The following SCML4 variants were observed in gnomAD, a reference collection of about 807,000 sequenced individuals.
The protein encoded by SCML4 is Scm polycomb group protein like 4, also known as sex comb on midleg-like protein 4.
In SCML4, 34 loss-of-function variants were observed where a neutral mutation model predicts 41.1. That is an observed-to-expected ratio of 0.83 (90% CI 0.63 to 1.10). The LOEUF (loss-of-function observed/expected upper bound fraction) is 1.10. Ranked by LOEUF, SCML4 falls within the 50% of genes least tolerant of loss-of-function variation. SCML4 has a pLI of 0.00. For synonymous variants in SCML4, 214 were observed against 220.9 expected (o/e 0.97, Z 0.28); for missense variants, 522 against 534.1 (o/e 0.98, Z 0.22).
intron 5 of SCML4, among the ~76,000 whole-genome samples, chr6:107,742,260 G>A (rs1181603809): frequency 1.3e-5 from 2 of 152,120 alleles, no homozygotes; most frequent in Admixed American, 6.5e-5. Context: ...GAAAAAGGAT[G>A]AGAATTAATG....
rs7754079 is a variant in SCML4 at position 107,738,443 on chromosome 6, A to G, written c.682+6506T>C. ...TCAAGACCAGCCTGGGCAACATGTC[A>G]AAATCCCGTCTCTATAAAAATACAA... is the stretch of plus-strand genomic sequence containing the variant. On this transcript the variant is annotated intron_variant, in intron 5 of 7. Transcript: ENST00000369020. 4.0e-3 allele frequency among the ~76,000 whole-genome samples: 603 copies of G among 151,700 alleles called. 7 individuals carry two copies. The East Asian group carries it at 0.052, about 13-fold the overall frequency.
In SCML4 at chr6:107,772,263, T is replaced by C; in HGVS notation, c.65A>G (p.Lys22Arg). Residue 22 changes from lysine to arginine, a missense_variant, in exon 2 of 8, where the codon AAG becomes AGG. Coordinates refer to ENST00000369020, the MANE Select transcript of SCML4 (RefSeq NM_198081.5). ...AGAATAAAGGTTATGAACTGCCATC[T>C]TCATAGGCGTGGAGTGAAGTGAGGG... Reference protein sequence around the residue: ...GRPSLHSTPMKMAVHNLYSAS... With the variant: ...GRPSLHSTPMRMAVHNLYSAS... 1.3e-6 allele frequency: 2 copies of C among 1,551,810 alleles called. No individual in the cohort carries two copies. Among genetic ancestry groups the C allele is most frequent in the Non-Finnish European group, 1.7e-6 (2 of 1,147,026 alleles).
At chr6:107,791,077 A>AC (rs1454274869) in intron 1 of SCML4, among the ~76,000 whole-genome samples, 1 of 151,780 alleles carries the variant, frequency 6.6e-6, no homozygotes, top group East Asian at 1.9e-4. Context: ...CTAAAAAAAA[A>AC]AAAAAAAGCA....
intron 1 of SCML4, among the ~76,000 whole-genome samples, chr6:107,809,806 G>A (rs182476565): frequency 3.4e-4 from 52 of 152,288 alleles, no homozygotes; most frequent in African/African-American, 1.2e-3. Flanking sequence ...TAGCCTAGTC[G>A]AGGAAGCCCT....
intron 7 of SCML4, among the ~76,000 whole-genome samples, chr6:107,705,820 G>T (rs1231248294): frequency 6.6e-6 from 1 of 152,118 alleles, no homozygotes; most frequent in Non-Finnish European, 1.5e-5. Flanking sequence ...GTTTAGCCCT[G>T]TCTATTCCAC....
At chr6:107,811,858 A>G (rs1388909452) in intron 1 of SCML4, among the ~76,000 whole-genome samples, 1 of 152,218 alleles carries the variant, frequency 6.6e-6, no homozygotes, top group Non-Finnish European at 1.5e-5. Flanking sequence ...TATGGCTGTG[A>G]GACATGGACC....
chr6:107,717,172 A>AAAAAAAT (rs1321916871), intron 6 of SCML4, among the ~76,000 whole-genome samples: 2 of 112,780 alleles, frequency 1.8e-5, no homozygotes, highest in Admixed American at 9.7e-5. Context: ...AAAAAAAAAA[A>AAAAAAAT]AGCCAGGTGT....
At chr6:107,722,370 G>A (rs75608727) in intron 5 of SCML4, among the ~76,000 whole-genome samples, 1 of 151,848 alleles carries the variant, frequency 6.6e-6, no homozygotes, top group Non-Finnish European at 1.5e-5. Context: ...TTTTCTTTTG[G>A]GGGGTGGGGG....
At chr6:107,748,312 A>G (rs896453394) in intron 3 of SCML4, among the ~76,000 whole-genome samples, 1 of 152,210 alleles carries the variant, frequency 6.6e-6, no homozygotes, top group East Asian at 1.9e-4. Flanking sequence ...GGTGCAAAGG[A>G]GTGCTGAAGA....
At chr6:107,717,011 A>G (rs957316991) in intron 6 of SCML4, among the ~76,000 whole-genome samples, 51 of 151,990 alleles carry the variant, frequency 3.4e-4, no homozygotes, top group Admixed American at 9.8e-4. Context: ...GTTAAAAGGA[A>G]TCTTTCGGCT....
the SCML4 span, among the ~76,000 whole-genome samples, chr6:107,830,313 C>A: frequency 6.6e-6 from 1 of 152,200 alleles, no homozygotes; most frequent in South Asian, 2.1e-4. Flanking sequence ...TGGCTCTGGG[C>A]CTGTGACCCT....
At chr6:107,831,182 G>A in the SCML4 span, among the ~76,000 whole-genome samples, 4 of 152,052 alleles carry the variant, frequency 2.6e-5, no homozygotes, top group Non-Finnish European at 4.4e-5. Flanking sequence ...ACAGAGGCCC[G>A]TCAAAGAGAG....
At chr6:107,723,222 A>G (rs868614599) in intron 5 of SCML4, among the ~76,000 whole-genome samples, 1 of 152,210 alleles carries the variant, frequency 6.6e-6, no homozygotes, top group Non-Finnish European at 1.5e-5. Flanking sequence ...TAAGTTAAAA[A>G]TATCATAAGT....
In SCML4 at chr6:107,816,713, G is replaced by C. The variant is rs527622566; in HGVS notation, c.-60+7413C>G. On this transcript the variant is annotated intron_variant, in intron 1 of 7. Coordinates refer to ENST00000369020, the MANE Select transcript of SCML4 (RefSeq NM_198081.5). ...GAAACCCATTCAGTCTAAGAATCCA[G>C]GCTTCACTTCGAGATCACTTCTCAG... 4.7e-4 allele frequency among the ~76,000 whole-genome samples: 71 copies of C among 152,304 alleles called. 1 individual carries two copies. In the South Asian group the frequency reaches 8.3e-3, roughly 18 times the overall value.
At position 107,790,621 on chromosome 6, in the gene SCML4, G is replaced by A. The variant is rs139962304; in HGVS notation, c.-59-18235C>T. Among the ~76,000 whole-genome samples the A allele has an allele frequency of 1.1e-4, 16 of 152,114 alleles. No individual in the cohort carries two copies. In the East Asian group the frequency reaches 2.1e-3, roughly 20 times the overall value. On this transcript the variant is annotated intron_variant, in intron 1 of 7. Coordinates refer to ENST00000369020, the MANE Select transcript of SCML4 (RefSeq NM_198081.5). The stretch of plus-strand genomic sequence containing the variant: ...ATATCTGTATGAATATTTATTGGAC[G>A]CTTACTAAATGCAAGGCATTTGTCC...
intron 5 of SCML4, among the ~76,000 whole-genome samples, chr6:107,742,294 A>T (rs976795167): frequency 1.3e-5 from 2 of 152,210 alleles, no homozygotes; most frequent in African/African-American, 4.8e-5. Flanking sequence ...GGATATAGAA[A>T]ATTACCTCAA....
At chr6:107,771,450 T>C (rs183322833) in intron 2 of SCML4, among the ~76,000 whole-genome samples, 31 of 152,312 alleles carry the variant, frequency 2.0e-4, no homozygotes, top group Admixed American at 1.8e-3. Flanking sequence ...AATAGCCTAT[T>C]CAAAAACAAC....
Position 107,809,627 on chromosome 6 carries a change from T to TG in SCML4, c.-60+14498dup, listed in dbSNP as rs547598754. Among the ~76,000 whole-genome samples the TG allele has an allele frequency of 1.0e-3, 159 of 152,196 alleles. 1 individual carries two copies. Among genetic ancestry groups the TG allele is most frequent in the African/African-American group, 3.6e-3 (151 of 41,512 alleles). On this transcript the variant is annotated intron_variant, in intron 1 of 7. Transcript: ENST00000369020. The stretch of plus-strand genomic sequence containing the variant: ...TTCTAAAACTGTTATCTTGGATAGC[T>TG]GGGGAAGCAGTGATACCTTCAATGA...
chr6:107,846,037 C>T, the SCML4 span, among the ~76,000 whole-genome samples: 1 of 152,304 alleles, frequency 6.6e-6, no homozygotes, highest in Non-Finnish European at 1.5e-5. Flanking sequence ...CGGAGCCGGC[C>T]TCAGACTCCA....
Sources: allele counts gnomAD v4.1 joint callset (sites outside exome capture counted in the v4.1 genomes callset), GRCh38; gene constraint gnomAD v4.1.1; transcripts MANE v1.5; gene names NCBI Gene and HGNC (gene_info 2026-07-23, HGNC 2026-07-21).